The following ASAP2 variants were observed in gnomAD, a reference collection of about 807,000 sequenced individuals.
ASAP2 encodes arf-GAP with SH3 domain, ANK repeat and PH domain-containing protein 2.
Under a neutral mutation model 131.4 loss-of-function variants are expected in ASAP2, and 45 were observed. The ratio of observed to expected loss-of-function variants is 0.34; its 90% CI spans 0.27 to 0.44. The LOEUF is 0.44. Among genes scored for constraint, ASAP2 ranks in the 20% least tolerant of loss-of-function variants. ASAP2 has a pLI of 1.00. For missense variants in ASAP2, 1,011 were observed against 1,297.0 expected (o/e 0.78, Z 3.39); for synonymous variants, 510 against 503.0 (o/e 1.01, Z -0.19).
intron 24 of ASAP2, among the ~76,000 whole-genome samples, chr2:9,395,002 G>T (rs1676003509): frequency 6.6e-6 from 1 of 152,232 alleles, no homozygotes; most frequent in Non-Finnish European, 1.5e-5. Flanking sequence ...CCTGGCATGG[G>T]CTTCCTCATA....
At chr2:9,278,072 G>A (rs946219565) in intron 1 of ASAP2, among the ~76,000 whole-genome samples, 27 of 152,168 alleles carry the variant, frequency 1.8e-4, no homozygotes, top group Non-Finnish European at 2.9e-4. Context: ...CTCACATGGG[G>A]TAATAATGGA....
At chr2:9,249,391 T>C (rs936526753) in intron 1 of ASAP2, among the ~76,000 whole-genome samples, 2 of 152,190 alleles carry the variant, frequency 1.3e-5, no homozygotes, top group Admixed American at 6.5e-5. Flanking sequence ...TCTCTGATGA[T>C]TGTAGTGTCT....
At chr2:9,260,879 A>G (rs183425550) in intron 1 of ASAP2, among the ~76,000 whole-genome samples, 2 of 152,172 alleles carry the variant, frequency 1.3e-5, no homozygotes, top group Non-Finnish European at 2.9e-5. Context: ...CCCCTACTCT[A>G]TCTGCTTCTC....
intron 16 of ASAP2, among the ~76,000 whole-genome samples, chr2:9,371,247 C>T (rs1168356362): frequency 6.6e-6 from 1 of 152,218 alleles, no homozygotes; most frequent in Non-Finnish European, 1.5e-5. Context: ...ACTTCCATTC[C>T]TTCTCAACTG....
chr2:9,282,983 G>A (rs1667229887), intron 2 of ASAP2, among the ~76,000 whole-genome samples: 2 of 152,112 alleles, frequency 1.3e-5, no homozygotes, highest in African/African-American at 4.8e-5. Context: ...ACCTGCAGGG[G>A]ACCTGCCCTT....
intron 11 of ASAP2, among the ~76,000 whole-genome samples, chr2:9,348,646 T>A (rs1377161091): frequency 6.6e-6 from 1 of 152,246 alleles, no homozygotes; most frequent in Non-Finnish European, 1.5e-5. Context: ...TGTCATTTTT[T>A]AATATGTAGG....
chr2:9,344,835 T>C, intron 11 of ASAP2, 35 bp downstream of exon 11: 1 of 1,584,182 alleles, frequency 6.3e-7, no homozygotes, highest in South Asian at 1.1e-5. Flanking sequence ...GTGTCTGCTG[T>C]ATTAGGTGAG....
chr2:9,275,152 T>G (rs549747946), intron 1 of ASAP2, among the ~76,000 whole-genome samples: 9 of 150,980 alleles, frequency 6.0e-5, no homozygotes, highest in African/African-American at 2.2e-4. Context: ...GCAATCATGG[T>G]TCGCTGCAGC....
At chr2:9,212,808 T>C (rs560367932) in intron 1 of ASAP2, among the ~76,000 whole-genome samples, 3 of 152,218 alleles carry the variant, frequency 2.0e-5, no homozygotes, top group African/African-American at 7.2e-5. Flanking sequence ...GGAAACTTGC[T>C]GAAATGCAGA....
intron 21 of ASAP2, among the ~76,000 whole-genome samples, chr2:9,387,196 A>G (rs1293256269): frequency 2.3e-5 from 3 of 132,606 alleles, no homozygotes; most frequent in African/African-American, 7.4e-5. Context: ...CCTGGGCAAC[A>G]GAGAGAGACT....
At chr2:9,297,695 T>C (rs1668230630) in intron 3 of ASAP2, among the ~76,000 whole-genome samples, 1 of 152,252 alleles carries the variant, frequency 6.6e-6, no homozygotes, top group Non-Finnish European at 1.5e-5. Context: ...AATGGGTAAA[T>C]GCATTCGTCT....
At chr2:9,348,468 G>T (rs568948067) in intron 11 of ASAP2, among the ~76,000 whole-genome samples, 1 of 152,152 alleles carries the variant, frequency 6.6e-6, no homozygotes, top group Non-Finnish European at 1.5e-5. Flanking sequence ...GATTTTAATG[G>T]ATAGAATTTT....
intron 19 of ASAP2, among the ~76,000 whole-genome samples, chr2:9,379,642 TTAAA>T (rs34459563): frequency 1.8e-3 from 278 of 152,168 alleles, no homozygotes; most frequent in Non-Finnish European, 3.3e-3. Flanking sequence ...TGAAGGACTG[TTAAA>T]TAAAGAGGAA....
chr2:9,394,415 C>T lies in ASAP2; in HGVS notation c.2684+768C>T, dbSNP rs146527447. 4.8e-3 allele frequency among the ~76,000 whole-genome samples: 732 copies of T among 152,152 alleles called. 5 individuals are homozygous for T. Among genetic ancestry groups the T allele is most frequent in the African/African-American group, 0.017 (693 of 41,506 alleles). ...TCCTGACCTCGTGATCCACCTGCCT[C>T]GGCCTCCCAAAGTGCTGGGATTACA... On this transcript the variant is annotated intron_variant, in intron 24 of 27. Transcript: ENST00000281419.
chr2:9,355,685 A>T (rs1052628000), intron 12 of ASAP2, among the ~76,000 whole-genome samples: 5 of 152,344 alleles, frequency 3.3e-5, no homozygotes, highest in African/African-American at 9.6e-5. Context: ...TATTCTTTTT[A>T]AAAAAGGTTT....
At chr2:9,400,890 C>T (rs1418733150) in intron 26 of ASAP2, 60 bp downstream of exon 26, 4 of 1,514,786 alleles carry the variant, frequency 2.6e-6, no homozygotes, top group Non-Finnish European at 9.1e-7. Flanking sequence ...CAGGTGGTTT[C>T]ACAAGGGCTC....
At chr2:9,254,540 T>A (rs1296746264) in intron 1 of ASAP2, among the ~76,000 whole-genome samples, 2 of 141,328 alleles carry the variant, frequency 1.4e-5, no homozygotes, top group South Asian at 2.3e-4. Context: ...TTTTTTTTTT[T>A]TTTTTTTTTT....
At chr2:9,213,533 A>G (rs1661757807) in intron 1 of ASAP2, among the ~76,000 whole-genome samples, 3 of 152,206 alleles carry the variant, frequency 2.0e-5, no homozygotes, top group Non-Finnish European at 2.9e-5. Flanking sequence ...CTAGCAGGGC[A>G]TGAAAGGAAA....
Position 9,217,005 on chromosome 2 carries a change from C to G in ASAP2, c.126+9775C>G, listed in dbSNP as rs1210715137. 6.6e-6 allele frequency among the ~76,000 whole-genome samples: 1 copy of G among 152,038 alleles called. No homozygotes were observed. The highest frequency in any genetic ancestry group is 1.9e-4 in the East Asian group (1 of 5,190). On this transcript the variant is annotated intron_variant, in intron 1 of 27. Transcript: ENST00000281419. The surrounding 1 kb of genome is among the most constrained non-coding windows in gnomAD (Gnocchi z 4.0). The stretch of plus-strand genomic sequence containing the variant: ...AACTCATTTAGTTATTATCAAAATG[C>G]TATAGGGGCCAGCAAAATTAGGCCA...
Sources: gnomAD v4.1 joint callset for allele counts (sites outside exome capture counted in the v4.1 genomes callset) on GRCh38, gnomAD v4.1.1 for gene constraint, Gnocchi (gnomAD v3.1) non-coding constraint, MANE v1.5 for transcripts, NCBI Gene and HGNC (gene_info 2026-07-23, HGNC 2026-07-21) for gene names.